Variants in GAD2 observed in about 807,000 individuals in gnomAD.
GAD2 encodes the protein 65 kDa glutamic acid decarboxylase.
GAD2 carries 22 observed loss-of-function variants against 80.1 expected under a neutral mutation model. The observed-to-expected ratio is 0.27, with a 90% confidence interval of 0.20 to 0.39. GAD2 has a LOEUF of 0.39. GAD2 is among the 10% of genes least tolerant of loss of function. The pLI, the probability that GAD2 is intolerant of heterozygous loss-of-function variation, is 1.00. For missense variants in GAD2, 624 were observed against 738.4 expected (o/e 0.85, Z 1.80); for synonymous variants, 274 against 256.9 (o/e 1.07, Z -0.64).
chr10:26,235,970 C>A (rs1045438582), intron 7 of GAD2, among the ~76,000 whole-genome samples: 1 of 152,170 alleles, frequency 6.6e-6, no homozygotes, highest in Non-Finnish European at 1.5e-5. Context: ...GGCAAATCAC[C>A]GTAACTAATT....
chr10:26,296,978 C>A (rs1025043988), intron 15 of GAD2, among the ~76,000 whole-genome samples: 1 of 151,830 alleles, frequency 6.6e-6, no homozygotes, highest in Non-Finnish European at 1.5e-5. Context: ...ACAGTGGTGC[C>A]ATCTCGGCTC....
intron 4 of GAD2, among the ~76,000 whole-genome samples, chr10:26,219,635 CG>C (rs1465371199): frequency 2.0e-5 from 3 of 152,088 alleles, no homozygotes; most frequent in African/African-American, 7.2e-5. Context: ...AATAAAAGCT[CG>C]AAAAATGCGT....
intron 15 of GAD2, 99 bp from the exon 16 acceptor site, chr10:26,300,688 TG>T: frequency 9.6e-7 from 1 of 1,044,740 alleles, no homozygotes. Context: ...AGGTTCTGAC[TG>T]TTGAGCTAAA....
Position 26,229,699 on chromosome 10 carries a change from A to C in GAD2, c.762A>C (p.Ala254=). ...AISNMYAMMI[A]RFKMFPEVKE... ...CTAACATGTATGCCATGATGATCGCACGCTTTAAGATGTTCCCAGAAGTCA... is the reference window on the plus strand; with the variant it reads ...CTAACATGTATGCCATGATGATCGCCCGCTTTAAGATGTTCCCAGAAGTCA... The change falls in exon 7 of 16, where the codon GCA becomes GCC. Residue 254 remains alanine, a synonymous_variant. Transcript: ENST00000376261. The C allele has an allele frequency of 6.2e-7, 1 of 1,614,184 alleles. No individual in the cohort carries two copies. The highest frequency in any genetic ancestry group is 8.5e-7 in the Non-Finnish European group (1 of 1,180,028).
intron 4 of GAD2, 95 bp from the exon 5 acceptor site, chr10:26,223,792 A>G (rs1844484330): frequency 1.3e-6 from 1 of 764,776 alleles, no homozygotes; most frequent in Non-Finnish European, 2.2e-6. Context: ...TTACTGACAG[A>G]TCTTTCAAGG....
At chr10:26,280,817 G>T (rs759382742) in intron 11 of GAD2, among the ~76,000 whole-genome samples, 192 bp from the exon 12 acceptor site, 1 of 151,732 alleles carries the variant, frequency 6.6e-6, no homozygotes. Flanking sequence ...TCACCACTAC[G>T]CACTATATAC....
chr10:26,301,099 C>CA lies in GAD2; in HGVS notation c.*144dup. 1.4e-6 allele frequency: 1 copy of CA among 710,640 alleles called. No individual in the cohort carries two copies. Among genetic ancestry groups the CA allele is most frequent in the Non-Finnish European group, 2.3e-6 (1 of 436,522 alleles). The allele number at this position is 710,640 out of a possible 1,614,324, so 44.0% of individuals were successfully genotyped here. On this transcript the variant is annotated 3_prime_UTR_variant, in exon 16 of 16. Transcript: ENST00000376261. ...GTCAAAGTAGAGTTTAAAAATTAAACAAAAAAGACATTGCTCCTTTTAAAA... is the reference window on the plus strand; with the variant it reads ...GTCAAAGTAGAGTTTAAAAATTAAACAAAAAAAGACATTGCTCCTTTTAAAA...
chr10:26,294,076 G>C (rs997597108), intron 15 of GAD2, among the ~76,000 whole-genome samples: 4 of 152,202 alleles, frequency 2.6e-5, no homozygotes, highest in Non-Finnish European at 5.9e-5. Context: ...TCGAAGCGGG[G>C]TATATGCAGG....
At chr10:26,297,146 C>T (rs573374171) in intron 15 of GAD2, among the ~76,000 whole-genome samples, 77 of 152,196 alleles carry the variant, frequency 5.1e-4, no homozygotes, top group Non-Finnish European at 1.0e-3. Context: ...AGGCTGGTCT[C>T]GAACGCCTGA....
chr10:26,272,150 C>T (rs1845144865), intron 10 of GAD2, among the ~76,000 whole-genome samples: 1 of 152,186 alleles, frequency 6.6e-6, no homozygotes, highest in Admixed American at 6.5e-5. Context: ...GCAGAGCAAT[C>T]ACCAATGTTC....
At chr10:26,224,744 T>A in intron 6 of GAD2, 93 bp downstream of exon 6, 1 of 853,660 alleles carries the variant, frequency 1.2e-6, no homozygotes, top group Non-Finnish European at 1.9e-6. Context: ...AGCCTATGCC[T>A]CTGCTTAGGT....
intron 15 of GAD2, 25 bp downstream of exon 15, chr10:26,293,016 A>G (rs778812935): frequency 2.6e-6 from 4 of 1,560,028 alleles, no homozygotes; most frequent in Non-Finnish European, 1.8e-6. Flanking sequence ...CTCCTCTGAT[A>G]CATGTGTGTA....
chr10:26,281,769 C>T (rs1416147930), intron 12 of GAD2, among the ~76,000 whole-genome samples: 1 of 152,120 alleles, frequency 6.6e-6, no homozygotes, highest in African/African-American at 2.4e-5. Flanking sequence ...TTGGTCAAGG[C>T]CACTACATCT....
intron 8 of GAD2, among the ~76,000 whole-genome samples, chr10:26,248,302 C>T (rs573599344): frequency 6.6e-6 from 1 of 152,350 alleles, no homozygotes; most frequent in African/African-American, 2.4e-5. Flanking sequence ...TAAGGAAGAG[C>T]AGCTTTGCTT....
At chr10:26,272,826 T>C (rs1360712512) in intron 10 of GAD2, among the ~76,000 whole-genome samples, 2 of 152,142 alleles carry the variant, frequency 1.3e-5, no homozygotes, top group African/African-American at 4.8e-5. Flanking sequence ...ATCTCACCAT[T>C]GCACTCCAGC....
chr10:26,252,741 C>T (rs923467793), intron 8 of GAD2, among the ~76,000 whole-genome samples: 2 of 152,064 alleles, frequency 1.3e-5, no homozygotes, highest in African/African-American at 4.8e-5. Flanking sequence ...TCACTACAAC[C>T]TCTGCCTCCA....
chr10:26,220,691 T>G (rs1324633921), intron 4 of GAD2, among the ~76,000 whole-genome samples: 1 of 152,230 alleles, frequency 6.6e-6, no homozygotes, highest in Non-Finnish European at 1.5e-5. Flanking sequence ...TCCCCATACC[T>G]TATATTTAGA....
At position 26,247,923 on chromosome 10, in the gene GAD2, A is replaced by AG. The variant is rs199981532; in HGVS notation, c.920+1923_920+1924insG. ...AAAAAAAAAAAAAAAGGAAAAGAAA[A>AG]AAAAAAAAGAAAGCTCTAAAAATAA... On this transcript the variant is annotated intron_variant, in intron 8 of 15. Transcript: ENST00000376261. Among the ~76,000 whole-genome samples, 569 of 151,002 alleles carry AG rather than the reference A, an allele frequency of 3.8e-3. 2 individuals are homozygous for AG. Among genetic ancestry groups the AG allele is most frequent in the African/African-American group, 0.013 (551 of 41,294 alleles).
intron 15 of GAD2, among the ~76,000 whole-genome samples, chr10:26,296,033 AT>A (rs1331111718): frequency 6.6e-6 from 1 of 152,144 alleles, no homozygotes; most frequent in Non-Finnish European, 1.5e-5. Flanking sequence ...ACAGAAATTT[AT>A]TTCTCACTGT....
Sources: gnomAD v4.1 joint callset for allele counts (sites outside exome capture counted in the v4.1 genomes callset) on GRCh38, gnomAD v4.1.1 for gene constraint, MANE v1.5 for transcripts, NCBI Gene and HGNC (gene_info 2026-07-23, HGNC 2026-07-21) for gene names.